Variants in PFKM observed in about 807,000 individuals in gnomAD.
PFKM encodes the protein ATP-dependent 6-phosphofructokinase, muscle type.
A neutral mutation model predicts 95.5 loss-of-function variants in PFKM; 58 were observed. The observed-to-expected ratio is 0.61, with a 90% CI of 0.49 to 0.76. The LOEUF (loss-of-function observed/expected upper bound fraction) is 0.76, where lower values mean the gene tolerates loss of function less well. Ranked by LOEUF, PFKM falls within the 30% of genes least tolerant of loss-of-function variation. The probability of loss-of-function intolerance (pLI) is 0.00; values close to 1 mark genes in which losing one functional copy is unlikely to be tolerated. For missense variants in PFKM, 678 were observed against 1,005.4 expected, an observed-to-expected ratio of 0.67 and a Z score of 4.40; for synonymous variants, 336 against 357.2, an observed-to-expected ratio of 0.94 and a Z score of 0.67.
intron 1 of PFKM, among the ~76,000 whole-genome samples, chr12:48,106,690 A>G (rs1946655731): frequency 7.4e-6 from 1 of 135,030 alleles, no homozygotes; most frequent in Non-Finnish European, 1.6e-5. Context: ...CTCATACTTG[A>G]TTGACCATTC....
At chr12:48,123,559 C>T (rs1948517731) in intron 2 of PFKM, among the ~76,000 whole-genome samples, 1 of 152,070 alleles carries the variant, frequency 6.6e-6, no homozygotes, top group African/African-American at 2.4e-5. Context: ...CTCCTTTGAT[C>T]TTCTGATATA....
At chr12:48,138,896 C>T (rs566736850) in intron 11 of PFKM, among the ~76,000 whole-genome samples, 7 of 152,162 alleles carry the variant, frequency 4.6e-5, no homozygotes, top group African/African-American at 1.2e-4. Context: ...AAAAATTAGC[C>T]GGGTGTGGTT....
At chr12:48,117,787 G>A (rs551685033), upstream of PFKM, among the ~76,000 whole-genome samples, 4 of 152,334 alleles carry the variant, frequency 2.6e-5, no homozygotes, top group South Asian at 4.1e-4. Flanking sequence ...CTGAGAACAT[G>A]TGTTCAAGAT....
intron 1 of PFKM, chr12:48,106,351 C>G: frequency 1.9e-6 from 1 of 517,202 alleles, no homozygotes; most frequent in Non-Finnish European, 3.4e-6. Context: ...TCTGTTCCCT[C>G]TGCTCCCTTA....
intron 2 of PFKM, among the ~76,000 whole-genome samples, chr12:48,127,051 A>T (rs1948927118): frequency 6.6e-6 from 1 of 152,180 alleles, no homozygotes. Flanking sequence ...GTAAGCTTTG[A>T]CATCAGTGCT....
chr12:48,128,022 G>A (rs1949033346), intron 2 of PFKM, among the ~76,000 whole-genome samples: 1 of 152,088 alleles, frequency 6.6e-6, no homozygotes, highest in Non-Finnish European at 1.5e-5. Context: ...CCATTTCCTA[G>A]TTTATATTTT....
At chr12:48,121,704 G>T (rs74086997) in intron 1 of PFKM, among the ~76,000 whole-genome samples, 2,599 of 152,190 alleles carry the variant, frequency 0.017, 88 homozygotes, top group African/African-American at 0.059. Context: ...AGTGAAGAAA[G>T]GAACACAAGC....
At chr12:48,113,620 G>A (rs905985396) in intron 3 of PFKM, among the ~76,000 whole-genome samples, 2 of 152,230 alleles carry the variant, frequency 1.3e-5, no homozygotes, top group African/African-American at 4.8e-5. Flanking sequence ...AGGCGGTCCT[G>A]GAGGAACACC....
Position 48,145,793 on chromosome 12 carries a change from G to A in PFKM, c.*85G>A, listed in dbSNP as rs1951000490. On this transcript the variant is annotated 3_prime_UTR_variant, in exon 23 of 23. Transcript: ENST00000359794. The surrounding 1 kb of genome is among the most constrained non-coding windows in gnomAD (Gnocchi z 4.3). ...TCCACATCTTCTCAGTGTTTTAGCT[G>A]TTTTTTTCATTAGGTTTCCTTTTAT... 1 of 1,455,516 alleles carries A rather than the reference G, an allele frequency of 6.9e-7. No homozygotes were observed. Among genetic ancestry groups the A allele is most frequent in the African/African-American group, 1.4e-5 (1 of 72,116 alleles). The allele number at this position is 1,455,516 out of a possible 1,614,324, so 90.2% of individuals were successfully genotyped here. A position where few individuals can be genotyped will look rare whatever the true frequency, so the allele number is the denominator to read the frequency against.
chr12:48,134,833 C>A lies in PFKM; in HGVS notation c.747+4C>A. ...CCTTTGTCGCCGACTCAGCGAGGTACTTGCACTTTATTTTGCCCTTAAGAA... is the reference window on the plus strand; with the variant it reads ...CCTTTGTCGCCGACTCAGCGAGGTAATTGCACTTTATTTTGCCCTTAAGAA... On this transcript the variant is annotated splice_donor_region_variant and intron_variant, in intron 8 of 22. Transcript: ENST00000359794. 6.2e-7 allele frequency: 1 copy of A among 1,610,712 alleles called. No homozygotes were observed. Among genetic ancestry groups the A allele is most frequent in the South Asian group, 1.1e-5 (1 of 91,006 alleles).
chr12:48,114,180 CTT>C (rs1467118622), intron 3 of PFKM, among the ~76,000 whole-genome samples: 1 of 152,196 alleles, frequency 6.6e-6, no homozygotes, highest in African/African-American at 2.4e-5. Context: ...AGAGAAAAAA[CTT>C]TCCCATTCAT....
In PFKM at chr12:48,130,388, G is replaced by T. The variant is rs781481120; in HGVS notation, c.111G>T (p.Val37=). Residue 37 remains valine (V), a synonymous_variant, in exon 3 of 23, where the codon GTG becomes GTT. Transcript: ENST00000359794. ...GTATGAATGCTGCTGTCAGGGCTGTGGTTCGAGTTGGTATCTTCACCGGTG... is the reference window on the plus strand; with the variant it reads ...GTATGAATGCTGCTGTCAGGGCTGTTGTTCGAGTTGGTATCTTCACCGGTG... ...AQGMNAAVRA[V]VRVGIFTGAR... is the part of the protein sequence containing the mutation. 1 of 1,614,024 alleles carries T rather than the reference G, an allele frequency of 6.2e-7. No homozygotes were observed. Among genetic ancestry groups the T allele is most frequent in the South Asian group, 1.1e-5 (1 of 91,070 alleles).
chr12:48,129,444 T>C (rs933519205), intron 2 of PFKM, among the ~76,000 whole-genome samples: 17 of 152,086 alleles, frequency 1.1e-4, no homozygotes, highest in Admixed American at 1.3e-4. Context: ...ACATCTTATA[T>C]ACAGGGCCAC....
At chr12:48,135,145 C>T in intron 9 of PFKM, 107 bp downstream of exon 9, 1 of 1,093,404 alleles carries the variant, frequency 9.1e-7, no homozygotes, top group Non-Finnish European at 1.4e-6. Flanking sequence ...GCACATCTCT[C>T]CCTGGTTCCC....
chr12:48,107,276 T>C, intron 1 of PFKM: 1 of 788,448 alleles, frequency 1.3e-6, no homozygotes. Flanking sequence ...TAAGGCCAAG[T>C]AGTCATGAGT....
At chr12:48,135,560 T>C (rs1950000135) in intron 10 of PFKM, among the ~76,000 whole-genome samples, 177 bp downstream of exon 10, 1 of 152,202 alleles carries the variant, frequency 6.6e-6, no homozygotes, top group African/African-American at 2.4e-5. Flanking sequence ...GGTTCTCTTC[T>C]GTTACAAAAA....
intron 2 of PFKM, chr12:48,125,371 C>T (rs914537385): frequency 2.2e-6 from 1 of 445,310 alleles, no homozygotes; most frequent in Admixed American, 2.5e-5. Flanking sequence ...CCTGTAATCC[C>T]AGGACTTTGG....
intron 3 of PFKM, among the ~76,000 whole-genome samples, chr12:48,131,041 T>TTC (rs1264274373): frequency 6.6e-6 from 1 of 152,164 alleles, no homozygotes; most frequent in Non-Finnish European, 1.5e-5. Flanking sequence ...TTGGAGGAGA[T>TTC]AGGATGAGCC....
intron 19 of PFKM, 94 bp downstream of exon 19, chr12:48,143,908 C>A: frequency 1.8e-6 from 2 of 1,128,828 alleles, no homozygotes; most frequent in East Asian, 2.3e-5. Context: ...CCTGAGGAAT[C>A]TGTAGATATA....
Sources: gnomAD v4.1 joint callset for allele counts (sites outside exome capture counted in the v4.1 genomes callset) on GRCh38, gnomAD v4.1.1 for gene constraint, Gnocchi (gnomAD v3.1) non-coding constraint, MANE v1.5 for transcripts, NCBI Gene and HGNC (gene_info 2026-07-23, HGNC 2026-07-21) for gene names.